CFAP20DC: variants seen among roughly 807,000 people sequenced by gnomAD.
CFAP20DC encodes protein CFAP20DC.
CFAP20DC carries 84 observed loss-of-function variants against 101.7 expected under a neutral mutation model. The ratio of observed to expected loss-of-function variants is 0.83; its 90% CI spans 0.69 to 0.99. The LOEUF is 0.99. Among genes scored for constraint, CFAP20DC ranks in the 50% least tolerant of loss-of-function variants. CFAP20DC has a pLI of 0.00. For missense variants in CFAP20DC, 1,007 were observed against 970.3 expected (o/e 1.04, Z -0.50); for synonymous variants, 359 against 351.2 (o/e 1.02, Z -0.25).
At position 59,043,543 on chromosome 3, in the gene CFAP20DC, TA is replaced by T. The variant is rs555265527; in HGVS notation, c.205+2685del. 5.0e-4 allele frequency among the ~76,000 whole-genome samples: 76 copies of T among 151,910 alleles called. 1 individual carries two copies. Among genetic ancestry groups the T allele is most frequent in the African/African-American group, 1.8e-3 (75 of 41,434 alleles). ...CTTGAGGAGGCCTGGGGAAACCTCA[TA>T]AAGGTGACCTCATCCTCCAGAGCAG... On this transcript the variant is annotated intron_variant, in intron 3 of 16. Transcript: ENST00000482387.
At chr3:59,022,359 A>C (rs567798748) in intron 4 of CFAP20DC, among the ~76,000 whole-genome samples, 13 of 152,182 alleles carry the variant, frequency 8.5e-5, no homozygotes, top group African/African-American at 1.9e-4. Context: ...CTAAAAAAAA[A>C]CAGGGAATTG....
Position 58,937,778 on chromosome 3 carries a change from A to T in CFAP20DC, c.279-16T>A. 7.4e-7 allele frequency: 1 copy of T among 1,342,974 alleles called. No homozygotes were observed. Among genetic ancestry groups the T allele is most frequent in the Non-Finnish European group, 1.1e-6 (1 of 937,124 alleles). 83.2% of individuals were successfully genotyped at this position (1,342,974 alleles called of 1,614,324 possible). The stretch of plus-strand genomic sequence containing the variant: ...ATCAGTAATTCTGAAAACATGGAGG[A>T]GAGAAGACAGAAAGATTCCCATCAA... On this transcript the variant is annotated splice_polypyrimidine_tract_variant and intron_variant, in intron 4 of 16. Coordinates refer to ENST00000482387, the MANE Select transcript of CFAP20DC (RefSeq NM_001394063.1).
chr3:58,756,881 C>A (rs2068997757), intron 15 of CFAP20DC, among the ~76,000 whole-genome samples: 1 of 152,108 alleles, frequency 6.6e-6, no homozygotes, highest in South Asian at 2.1e-4. Flanking sequence ...CATACCAGTT[C>A]ATGGAGAGCT....
chr3:58,939,995 G>A (rs1329006353), intron 4 of CFAP20DC, among the ~76,000 whole-genome samples: 1 of 152,102 alleles, frequency 6.6e-6, no homozygotes, highest in Non-Finnish European at 1.5e-5. Flanking sequence ...TAGAACTACT[G>A]ACCTCAGGTG....
intron 15 of CFAP20DC, among the ~76,000 whole-genome samples, chr3:58,791,049 T>C (rs983465115): frequency 2.6e-5 from 4 of 152,034 alleles, no homozygotes; most frequent in Non-Finnish European, 4.4e-5. Flanking sequence ...ATGGTTGGAG[T>C]TGCCCAATAA....
intron 12 of CFAP20DC, chr3:58,862,984 T>C: frequency 6.2e-6 from 6 of 967,848 alleles, no homozygotes; most frequent in Non-Finnish European, 7.4e-6. Context: ...ATAGGATATA[T>C]CCATATTCTA....
chr3:58,835,328 C>T (rs539961184), intron 13 of CFAP20DC, among the ~76,000 whole-genome samples: 6 of 152,236 alleles, frequency 3.9e-5, no homozygotes, highest in Non-Finnish European at 5.9e-5. Flanking sequence ...TAGAAAAAAC[C>T]TCACAGAAGT....
chr3:58,853,985 G>A (rs1040131752), intron 12 of CFAP20DC, among the ~76,000 whole-genome samples: 4 of 151,866 alleles, frequency 2.6e-5, no homozygotes, highest in Admixed American at 2.6e-4. Flanking sequence ...TTCTGGCCAG[G>A]GCAATGAGGC....
rs552989424 is a variant in CFAP20DC, at chr3:58,964,972, T to C, written c.279-27210A>G. ...ACCTACTACTCACATACTCACATCT[T>C]TGGAATTTAATTCATTTTCATTTTC... On this transcript the variant is annotated intron_variant, in intron 4 of 16. Coordinates refer to ENST00000482387, the MANE Select transcript of CFAP20DC (RefSeq NM_001394063.1). The surrounding 1 kb of genome is among the most constrained non-coding windows in gnomAD (Gnocchi z 4.1). Among the ~76,000 whole-genome samples the C allele has an allele frequency of 1.3e-5, 2 of 152,314 alleles. No individual in the cohort carries two copies. Among genetic ancestry groups the C allele is most frequent in the East Asian group, 3.9e-4 (2 of 5,188 alleles).
In CFAP20DC at chr3:58,863,628, T is replaced by C. The variant is rs1486073427; in HGVS notation, c.1523A>G (p.Glu508Gly). The change falls in exon 12 of 17, where the codon GAG (glutamate) becomes GGG (glycine). Residue 508 changes from glutamate (E) to glycine (G), a missense_variant. By Grantham distance (98) the Glu-to-Gly change is moderately conservative. Coordinates refer to ENST00000482387, the MANE Select transcript of CFAP20DC (RefSeq NM_001394063.1). The surrounding 1 kb of genome is among the most constrained non-coding windows in gnomAD (Gnocchi z 5.9). Reference protein sequence around the residue: ...EELSFILDLKEDNSVTSRDTQ... With the variant: ...EELSFILDLKGDNSVTSRDTQ... ...GTCTCTGCTTGTCACACTGTTATCCTCTTTTAGATCCAAAATAAATGAGAG... is the reference window on the plus strand; with the variant it reads ...GTCTCTGCTTGTCACACTGTTATCCCCTTTTAGATCCAAAATAAATGAGAG... The C allele has an allele frequency of 5.0e-6, 8 of 1,614,050 alleles. No homozygotes were observed. The East Asian group carries it at 1.6e-4, about 31-fold the overall frequency.
At position 58,914,807 on chromosome 3, in the gene CFAP20DC, T is replaced by C. The variant is rs868151697; in HGVS notation, c.394-943A>G. ...AAAAAGTAAAAGAGACCGAAATACA[T>C]TATTTATTAAATACATGAAGAGTAT... On this transcript the variant is annotated intron_variant, in intron 5 of 16. Coordinates refer to ENST00000482387, the MANE Select transcript of CFAP20DC (RefSeq NM_001394063.1). The surrounding 1 kb of genome is among the most constrained non-coding windows in gnomAD (Gnocchi z 4.9). 5.3e-5 allele frequency: 8 copies of C among 152,010 alleles called. No individual in the cohort carries two copies. The South Asian group carries it at 1.0e-3, about 20-fold the overall frequency. The allele number at this position is 152,010 out of a possible 1,614,324, so 9.4% of individuals were successfully genotyped here.
At chr3:58,738,358 A>G (rs986203100), downstream of CFAP20DC, among the ~76,000 whole-genome samples, 1 of 151,574 alleles carries the variant, frequency 6.6e-6, no homozygotes, top group East Asian at 1.9e-4. The surrounding 1 kb of genome is among the most constrained non-coding windows in gnomAD (Gnocchi z 4.4). Context: ...CACCCCCAAC[A>G]GGCCCCAGTG....
At chr3:59,008,452 G>A (rs1315803585) in intron 4 of CFAP20DC, among the ~76,000 whole-genome samples, 2 of 152,098 alleles carry the variant, frequency 1.3e-5, no homozygotes, top group South Asian at 2.1e-4. Context: ...GAATACCTTC[G>A]CTATTGACTT....
downstream of CFAP20DC, among the ~76,000 whole-genome samples, chr3:58,716,455 G>A (rs570754325): frequency 7.9e-4 from 120 of 152,072 alleles, no homozygotes; most frequent in African/African-American, 2.7e-3. Context: ...GAGCCACCGC[G>A]CCCGGCCTGC....
intron 5 of CFAP20DC, among the ~76,000 whole-genome samples, chr3:58,933,012 A>G (rs376113822): frequency 4.1e-4 from 62 of 152,316 alleles, no homozygotes; most frequent in African/African-American, 1.3e-3. Flanking sequence ...TCAGTGTGCT[A>G]TATTCAGGAA....
rs941199715 is a variant in CFAP20DC at position 58,799,720 on chromosome 3, T to C, written c.2237+6675A>G. Among the ~76,000 whole-genome samples the C allele has an allele frequency of 1.4e-5, 2 of 142,410 alleles. No homozygotes were observed. Among genetic ancestry groups the C allele is most frequent in the Non-Finnish European group, 3.0e-5 (2 of 66,436 alleles). 93.4% of individuals were successfully genotyped at this position (142,410 alleles called of 152,430 possible). A position where few individuals can be genotyped will look rare whatever the true frequency, so the allele number is the denominator to read the frequency against. On this transcript the variant is annotated intron_variant, in intron 15 of 16. Transcript: ENST00000482387. This position sits in a 1 kb window ranked among gnomAD's most constrained non-coding sequence, Gnocchi z 4.9. The stretch of plus-strand genomic sequence containing the variant: ...TTCGAGAAGGAGCAGTGTGTGTGTG[T>C]CTGTGTGTGTGTCTGTGTGTGTGTG...
intron 5 of CFAP20DC, among the ~76,000 whole-genome samples, chr3:58,930,887 T>C (rs999479466): frequency 1.3e-5 from 2 of 152,096 alleles, no homozygotes; most frequent in African/African-American, 4.8e-5. Context: ...GGTACCGGGT[T>C]CATCTCACTA....
intron 6 of CFAP20DC, among the ~76,000 whole-genome samples, chr3:58,901,673 G>C (rs918468958): frequency 6.6e-6 from 1 of 151,998 alleles, no homozygotes; most frequent in Non-Finnish European, 1.5e-5. Context: ...ATGTCTGAAG[G>C]GGTAAATAAA....
chr3:58,824,373 CA>C (rs1253406439), intron 14 of CFAP20DC: 5 of 152,104 alleles, frequency 3.3e-5, no homozygotes, highest in Admixed American at 3.3e-4. Flanking sequence ...GAACAGATCC[CA>C]GAAACTCAGG....
Sources: allele counts gnomAD v4.1 joint callset (sites outside exome capture counted in the v4.1 genomes callset), GRCh38; gene constraint gnomAD v4.1.1; non-coding constraint Gnocchi (gnomAD v3.1); transcripts MANE v1.5; gene names NCBI Gene and HGNC (gene_info 2026-07-23, HGNC 2026-07-21).